CACNB4: variants seen among roughly 807,000 people sequenced by gnomAD.
CACNB4 encodes the protein voltage-dependent L-type calcium channel subunit beta-4.
In CACNB4, 32 loss-of-function variants were observed where a neutral mutation model predicts 71.2. That is an observed-to-expected ratio of 0.45 (90% CI 0.34 to 0.60). The LOEUF is 0.60. Among genes scored for constraint, CACNB4 ranks in the 20% least tolerant of loss-of-function variants. The probability of loss-of-function intolerance (pLI) is 0.01; values close to 1 mark genes in which losing one functional copy is unlikely to be tolerated. For synonymous variants in CACNB4, 231 were observed against 236.9 expected (o/e 0.97, Z 0.23); for missense variants, 464 against 647.9 (o/e 0.72, Z 3.08).
chr2:151,981,373 T>G (rs998062629), intron 2 of CACNB4, among the ~76,000 whole-genome samples: 8 of 152,176 alleles, frequency 5.3e-5, no homozygotes, highest in African/African-American at 1.9e-4. Flanking sequence ...AGTAGATATT[T>G]GAGGCCTTAA....
At chr2:151,948,720 G>C (rs1417277274) in intron 2 of CACNB4, among the ~76,000 whole-genome samples, 1 of 151,970 alleles carries the variant, frequency 6.6e-6, no homozygotes, top group Non-Finnish European at 1.5e-5. Context: ...TTCCTGCCAA[G>C]TGCCCTGTAC....
chr2:152,015,915 T>C (rs1360194166), intron 2 of CACNB4, among the ~76,000 whole-genome samples: 1 of 152,250 alleles, frequency 6.6e-6, no homozygotes, highest in Non-Finnish European at 1.5e-5. Context: ...GATTACGAGA[T>C]CCAATTTTAA....
intron 2 of CACNB4, among the ~76,000 whole-genome samples, chr2:151,958,281 G>T (rs1057181342): frequency 8.5e-5 from 13 of 152,162 alleles, no homozygotes; most frequent in Non-Finnish European, 1.5e-4. Flanking sequence ...GCATAATAGG[G>T]TATATGAGGA....
chr2:152,097,978 C>G (rs947310474), intron 2 of CACNB4, among the ~76,000 whole-genome samples: 1 of 152,220 alleles, frequency 6.6e-6, no homozygotes, highest in Non-Finnish European at 1.5e-5. Context: ...TCTGGTTACT[C>G]TAGGTCGAGT....
At chr2:151,986,175 C>T (rs1681359547) in intron 2 of CACNB4, among the ~76,000 whole-genome samples, 1 of 152,150 alleles carries the variant, frequency 6.6e-6, no homozygotes, top group Non-Finnish European at 1.5e-5. Flanking sequence ...GTGTGATCTA[C>T]TTTCACAAGG....
intron 2 of CACNB4, among the ~76,000 whole-genome samples, chr2:152,010,961 T>C (rs909331623): frequency 3.3e-5 from 5 of 152,140 alleles, no homozygotes; most frequent in African/African-American, 1.2e-4. Flanking sequence ...CAAGGAGATA[T>C]GACTGCTCCC....
At chr2:151,910,104 G>A (rs2099855815) in intron 2 of CACNB4, among the ~76,000 whole-genome samples, 1 of 152,112 alleles carries the variant, frequency 6.6e-6, no homozygotes, top group Non-Finnish European at 1.5e-5. Flanking sequence ...ATCTCACTGT[G>A]GTTTTGATTT....
At chr2:151,839,462 C>T in intron 13 of CACNB4, 83 bp from the exon 14 acceptor site, 3 of 1,105,536 alleles carry the variant, frequency 2.7e-6, no homozygotes, top group Non-Finnish European at 4.0e-6. Context: ...ATCATAGGAT[C>T]TGTACAATAA....
intron 2 of CACNB4, among the ~76,000 whole-genome samples, chr2:152,074,714 T>C (rs12613481): frequency 0.16 from 2,590 of 16,550 alleles, 645 homozygotes; most frequent in East Asian, 0.44. Context: ...ACCACCTCTA[T>C]CATCACCATC....
intron 2 of CACNB4, among the ~76,000 whole-genome samples, chr2:151,907,803 G>A (rs2099855167): frequency 6.6e-6 from 1 of 152,204 alleles, no homozygotes; most frequent in Admixed American, 6.5e-5. Context: ...GAAGAGCACA[G>A]CAAGGAAAGT....
At chr2:152,026,631 C>T (rs1432612356) in intron 2 of CACNB4, among the ~76,000 whole-genome samples, 1 of 152,156 alleles carries the variant, frequency 6.6e-6, no homozygotes, top group African/African-American at 2.4e-5. Context: ...CTGCCTGCCT[C>T]GGCCTCCCAA....
At chr2:151,925,314 T>C (rs1168727634) in intron 2 of CACNB4, among the ~76,000 whole-genome samples, 1 of 152,234 alleles carries the variant, frequency 6.6e-6, no homozygotes, top group Admixed American at 6.5e-5. Context: ...TCAGAAATAA[T>C]TCCTTTATAT....
In CACNB4 at chr2:151,996,981, G is replaced by A. The variant is rs560128966; in HGVS notation, c.147+101349C>T. On this transcript the variant is annotated intron_variant, in intron 2 of 13. Transcript: ENST00000539935. Reference sequence around the variant, plus strand: ...CTAGGGATGAGGTGTTCCAATGGTTGTATAAATATACATCACAGGGTATAA... The same window carrying A: ...CTAGGGATGAGGTGTTCCAATGGTTATATAAATATACATCACAGGGTATAA... Among the ~76,000 whole-genome samples, 9 of 152,226 alleles carry A rather than the reference G, an allele frequency of 5.9e-5. No homozygotes were observed. The East Asian group carries it at 1.5e-3, about 26-fold the overall frequency.
chr2:151,947,478 C>G (rs1030205859), intron 2 of CACNB4, among the ~76,000 whole-genome samples: 15 of 152,274 alleles, frequency 9.9e-5, no homozygotes, highest in Admixed American at 8.5e-4. Context: ...TGCAGAGTGG[C>G]CTGTGGACCA....
intron 2 of CACNB4, among the ~76,000 whole-genome samples, chr2:152,036,876 G>A (rs1684623173): frequency 6.6e-6 from 1 of 152,198 alleles, no homozygotes; most frequent in Non-Finnish European, 1.5e-5. Flanking sequence ...CATGACATGA[G>A]ATTCCTTCGA....
At chr2:152,004,671 CCTTCTAGTTTTCCT>C in intron 2 of CACNB4, among the ~76,000 whole-genome samples, 1 of 152,158 alleles carries the variant, frequency 6.6e-6, no homozygotes, top group African/African-American at 2.4e-5. Context: ...TGACAGAGTC[CCTTCTAGTTTTCCT>C]GAAATTACAA....
chr2:152,041,595 G>A (rs982918657), intron 2 of CACNB4, among the ~76,000 whole-genome samples: 10 of 152,084 alleles, frequency 6.6e-5, no homozygotes, highest in African/African-American at 2.4e-4. Flanking sequence ...TAGGAGACTG[G>A]GGCACAGAAA....
At position 152,098,366 on chromosome 2, in the gene CACNB4, A is replaced by G. The variant is rs1560199550; in HGVS notation, c.111T>C (p.Asp37=). Residue 37 remains aspartate, a synonymous_variant, in exon 2 of 14, where the codon GAT becomes GAC. Transcript: ENST00000539935. This position sits in a 1 kb window ranked among gnomAD's most constrained non-coding sequence, Gnocchi z 5.3. ...TTRRSRLKRS[D]GSTTSTSFIL... ...TGAAGCTGGTCGAAGTGGTGCTGCC[A>G]TCGGATCTTTTCAACCTGCTCCTCC... 4 of 1,613,742 alleles carry G rather than the reference A, an allele frequency of 2.5e-6. No individual in the cohort carries two copies. Among genetic ancestry groups the G allele is most frequent in the Non-Finnish European group, 3.4e-6 (4 of 1,179,704 alleles).
chr2:151,869,493 C>G (rs562441147), intron 8 of CACNB4: 4 of 361,468 alleles, frequency 1.1e-5, no homozygotes, highest in Non-Finnish European at 2.0e-5. Context: ...TTCCCTCTTC[C>G]CTCTTCCCTC....
Sources: allele counts gnomAD v4.1 joint callset (sites outside exome capture counted in the v4.1 genomes callset), GRCh38; gene constraint gnomAD v4.1.1; non-coding constraint Gnocchi (gnomAD v3.1); transcripts MANE v1.5; gene names NCBI Gene and HGNC (gene_info 2026-07-23, HGNC 2026-07-21).